Variants in LAMA3 observed in about 807,000 individuals in gnomAD.
LAMA3 encodes the protein laminin subunit alpha 3, also known as laminin subunit alpha-3.
In LAMA3, 281 loss-of-function variants were observed where a neutral mutation model predicts 402.0. The ratio of observed to expected loss-of-function variants is 0.70; its 90% CI spans 0.63 to 0.77. The LOEUF (loss-of-function observed/expected upper bound fraction) is 0.77. Among genes scored for constraint, LAMA3 ranks in the 30% least tolerant of loss-of-function variants. The probability of loss-of-function intolerance (pLI) is 0.00; values close to 1 mark genes in which losing one functional copy is unlikely to be tolerated. For synonymous variants in LAMA3, 1,431 were observed against 1,558.4 expected (o/e 0.92, Z 1.93); for missense variants, 3,840 against 4,215.5 (o/e 0.91, Z 2.47).
intron 1 of LAMA3, among the ~76,000 whole-genome samples, chr18:23,702,089 A>G (rs1449992591): frequency 6.6e-6 from 1 of 152,028 alleles, no homozygotes; most frequent in Admixed American, 6.6e-5. Flanking sequence ...GTAGGCAGGT[A>G]TATGGGTACA....
chr18:23,806,303 C>CT (rs1330049972), intron 12 of LAMA3, among the ~76,000 whole-genome samples: 2 of 152,218 alleles, frequency 1.3e-5, no homozygotes, highest in Admixed American at 6.5e-5. Flanking sequence ...AAATTGCTGT[C>CT]TGTCTGTTTA....
At chr18:23,796,957 G>A (rs1336648519) in intron 12 of LAMA3, among the ~76,000 whole-genome samples, 1 of 152,150 alleles carries the variant, frequency 6.6e-6, no homozygotes, top group Non-Finnish European at 1.5e-5. Flanking sequence ...GAGAGGGACT[G>A]GAGGACACCA....
intron 32 of LAMA3, among the ~76,000 whole-genome samples, chr18:23,853,765 C>A (rs1162998385): frequency 6.6e-6 from 1 of 152,190 alleles, no homozygotes; most frequent in African/African-American, 2.4e-5. Context: ...ACCAGAAATT[C>A]TGGTAGGGCT....
intron 8 of LAMA3, among the ~76,000 whole-genome samples, chr18:23,767,667 G>A (rs560545099): frequency 4.1e-5 from 6 of 145,518 alleles, no homozygotes; most frequent in Non-Finnish European, 7.4e-5. Flanking sequence ...ACTGCCTCCC[G>A]GGTTCCAGTA....
intron 12 of LAMA3, among the ~76,000 whole-genome samples, chr18:23,806,547 TG>T (rs34983598): frequency 1.3e-5 from 2 of 152,016 alleles, no homozygotes; most frequent in African/African-American, 4.8e-5. Flanking sequence ...AAACATGGGT[TG>T]GGGGGTGCAG....
Position 23,811,296 on chromosome 18 carries a change from G to T in LAMA3, c.1741+793G>T, listed in dbSNP as rs574241262. 7.9e-5 allele frequency among the ~76,000 whole-genome samples: 12 copies of T among 152,284 alleles called. No individual in the cohort carries two copies. The South Asian group carries it at 2.3e-3, about 29-fold the overall frequency. On this transcript the variant is annotated intron_variant, in intron 13 of 74. Transcript: ENST00000313654. ...TTCGGAGAACTCTTGCTACTGTGAA[G>T]AGGTGTTTGTGGAAGGCTGACCCAG...
chr18:23,726,869 C>T (rs904988363), intron 2 of LAMA3, among the ~76,000 whole-genome samples: 2 of 152,142 alleles, frequency 1.3e-5, no homozygotes, highest in Admixed American at 6.5e-5. Flanking sequence ...CTGCCTGCCT[C>T]GGCCTCTGAA....
intron 32 of LAMA3, among the ~76,000 whole-genome samples, chr18:23,855,769 C>T (rs1475589991): frequency 6.6e-6 from 1 of 152,178 alleles, no homozygotes; most frequent in Non-Finnish European, 1.5e-5. Context: ...AGAACATTTA[C>T]ACTCTATACC....
chr18:23,711,584 T>G (rs1345354892), intron 1 of LAMA3, among the ~76,000 whole-genome samples: 1 of 152,254 alleles, frequency 6.6e-6, no homozygotes, highest in Non-Finnish European at 1.5e-5. Flanking sequence ...TTGTAGCTGT[T>G]AGAGAGTTAC....
At chr18:23,816,522 G>A (rs376800136) in intron 18 of LAMA3, 35 bp downstream of exon 18, 51 of 1,544,344 alleles carry the variant, frequency 3.3e-5, no homozygotes, top group Non-Finnish European at 4.5e-5. Flanking sequence ...CATGTTCAGG[G>A]TGTGAAAGAT....
rs2145593708 is a variant in LAMA3, at chr18:23,954,567, T to C, written c.9921T>C (p.His3307=). The C allele has an allele frequency of 3.7e-6, 6 of 1,614,020 alleles. No individual in the cohort carries two copies. Among genetic ancestry groups the C allele is most frequent in the Non-Finnish European group, 5.1e-6 (6 of 1,179,910 alleles). Reference sequence around the variant, plus strand: ...TCTTTGGCTGTCTGAGGAATATTCATGTCAATCACATCCCTGTCCCTGTCA... The same window carrying C: ...TCTTTGGCTGTCTGAGGAATATTCACGTCAATCACATCCCTGTCCCTGTCA... The part of the protein sequence containing the change: ...KSFFGCLRNI[H]VNHIPVPVTE... The change falls in exon 75 of 75, where the codon CAT becomes CAC. Residue 3307 remains histidine, a synonymous_variant. Transcript: ENST00000313654.
intron 11 of LAMA3, 23 bp downstream of exon 11, chr18:23,777,642 T>A: frequency 6.5e-7 from 1 of 1,542,224 alleles, no homozygotes; most frequent in Non-Finnish European, 9.0e-7. Flanking sequence ...CCTTTTGGTT[T>A]AACTCCAGTG....
intron 38 of LAMA3, among the ~76,000 whole-genome samples, chr18:23,872,107 CAT>C (rs1321181101): frequency 2.6e-5 from 4 of 152,232 alleles, no homozygotes; most frequent in East Asian, 1.9e-4. Context: ...TTTAAAATAA[CAT>C]ATTTTTTAAA....
chr18:23,909,728 A>C (rs1379293224), intron 55 of LAMA3, among the ~76,000 whole-genome samples: 1 of 152,244 alleles, frequency 6.6e-6, no homozygotes, highest in Non-Finnish European at 1.5e-5. Flanking sequence ...GTTTTCCATC[A>C]TTGGAGTACT....
intron 44 of LAMA3, among the ~76,000 whole-genome samples, chr18:23,895,442 G>T (rs2080845399): frequency 6.6e-6 from 1 of 152,164 alleles, no homozygotes; most frequent in South Asian, 2.1e-4. Context: ...TGTGGTTTTT[G>T]AAAATAAGCC....
chr18:23,819,849 A>G lies in LAMA3; in HGVS notation c.2156A>G (p.Asn719Ser). ...CTTTTTAATTATGAAAGGCCTGAAA[A>G]CAACTACTATTTCCCAGATTTGCAT... ...VVGKVCQRPE[N>S]NYYFPDLHHM... Residue 719 changes from asparagine to serine, a missense_variant, in exon 19 of 75, where the codon AAC (asparagine) becomes AGC (serine). Asn to Ser is a conservative substitution (Grantham distance 46, BLOSUM62 1). Around this residue, in one of 3 missense-constraint regions of LAMA3, gnomAD observed 2,109 missense variants for 2,376.0 expected, o/e 0.89. Coordinates refer to ENST00000313654, the MANE Select transcript of LAMA3 (RefSeq NM_198129.4). 6.2e-7 allele frequency: 1 copy of G among 1,614,082 alleles called. No individual in the cohort carries two copies. Among genetic ancestry groups the G allele is most frequent in the South Asian group, 1.1e-5 (1 of 91,070 alleles).
chr18:23,953,261 G>A (rs995453594), intron 74 of LAMA3, 152 bp downstream of exon 74: 52 of 1,009,032 alleles, frequency 5.2e-5, no homozygotes, highest in Non-Finnish European at 7.7e-5. Flanking sequence ...CTGGAAAGGA[G>A]CACTTGTCAG....
chr18:23,807,764 T>G (rs1056142826), intron 12 of LAMA3, among the ~76,000 whole-genome samples: 2 of 152,358 alleles, frequency 1.3e-5, no homozygotes, highest in African/African-American at 4.8e-5. Flanking sequence ...CAAAGTCTAC[T>G]GATTTAAATG....
chr18:23,844,284 C>T (rs531748385), intron 29 of LAMA3, among the ~76,000 whole-genome samples: 5 of 152,318 alleles, frequency 3.3e-5, no homozygotes, highest in African/African-American at 1.2e-4. Flanking sequence ...AACCAAACTA[C>T]CATTATTCAT....
Sources: gnomAD v4.1 joint callset for allele counts (sites outside exome capture counted in the v4.1 genomes callset) on GRCh38, gnomAD v4.1.1 for gene constraint, gnomAD v4.1.1 regional missense constraint, MANE v1.5 for transcripts, NCBI Gene and HGNC (gene_info 2026-07-23, HGNC 2026-07-21) for gene names.